The following PABPC3 variants were observed in gnomAD, a reference collection of about 807,000 sequenced individuals.
PABPC3 encodes poly(A) binding protein cytoplasmic 3.
PABPC3 carries 43 observed loss-of-function variants against 43.0 expected under a neutral mutation model. The observed-to-expected ratio is 1.00, with a 90% confidence interval of 0.78 to 1.29. The LOEUF is 1.29. PABPC3 is among the 50% of genes most tolerant of loss of function. PABPC3 has a pLI of 0.00. For synonymous variants in PABPC3, 221 were observed against 274.6 expected (o/e 0.80, Z 1.93); for missense variants, 784 against 798.1 (o/e 0.98, Z 0.21).
In PABPC3 at chr13:25,097,340, A is replaced by T; in HGVS notation, c.1142A>T (p.Glu381Val). Residue 381 changes from glutamate to valine, a missense_variant, in exon 1 of 1, where the codon GAG (glutamate) becomes GTG (valine). Transcript: ENST00000281589. The stretch of plus-strand genomic sequence containing the variant: ...GAGCGCCAGGCTTACCTCACTAACG[A>T]GTATATGCAGAGAATGGCAAGTGTA... ...KEERQAYLTN[E>V]YMQRMASVRA... 6.2e-7 allele frequency: 1 copy of T among 1,614,226 alleles called. No individual in the cohort carries two copies. The highest frequency in any genetic ancestry group is 1.3e-5 in the African/African-American group (1 of 75,056).
Position 25,096,510 on chromosome 13 carries a change from A to C in PABPC3, c.312A>C (p.Lys104Asn), listed in dbSNP as rs1388858670. The C allele has an allele frequency of 3.1e-6, 5 of 1,614,126 alleles. No homozygotes were observed. The highest frequency in any genetic ancestry group is 4.2e-6 in the Non-Finnish European group (5 of 1,180,048). ...RKSGVGNIFV[K>N]NLDKSINNKA... Reference sequence around the variant, plus strand: ...GTGGAGTGGGCAACATATTCGTTAAAAATCTGGATAAGTCCATTAATAATA... The same window carrying C: ...GTGGAGTGGGCAACATATTCGTTAACAATCTGGATAAGTCCATTAATAATA... The change falls in exon 1 of 1, where the codon AAA (lysine) becomes AAC (asparagine). Residue 104 changes from lysine (K) to asparagine (N), a missense_variant. Transcript: ENST00000281589.
Position 25,098,750 on chromosome 13 carries a change from G to GT in PABPC3, c.*657dup, listed in dbSNP as rs1360830874. 6.0e-6 allele frequency: 1 copy of GT among 166,410 alleles called. No homozygotes were observed. The highest frequency in any genetic ancestry group is 1.5e-5 in the Non-Finnish European group (1 of 68,004). 10.3% of individuals were successfully genotyped at this position (166,410 alleles called of 1,614,324 possible). A position where few individuals can be genotyped will look rare whatever the true frequency, so the allele number is the denominator to read the frequency against. On this transcript the variant is annotated 3_prime_UTR_variant, in exon 1 of 1. Coordinates refer to ENST00000281589, the MANE Select transcript of PABPC3 (RefSeq NM_030979.3). ...TGACAAAATAGTAATTATAAATTCAGTAACATTTGTTCAAAATTGTAAGAC... is the reference window on the plus strand; with the variant it reads ...TGACAAAATAGTAATTATAAATTCAGTTAACATTTGTTCAAAATTGTAAGAC...
Position 25,097,352 on chromosome 13 carries a change from G to A in PABPC3, c.1154G>A (p.Arg385Lys). ...TACCTCACTAACGAGTATATGCAGA[G>A]AATGGCAAGTGTACGAGCTGTGCCC... ...QAYLTNEYMQ[R>K]MASVRAVPNQ... The change falls in exon 1 of 1, where the codon AGA (arginine) becomes AAA (lysine). Residue 385 changes from arginine (R) to lysine (K), a missense_variant. Arg to Lys is a conservative substitution (Grantham distance 26, BLOSUM62 2). Coordinates refer to ENST00000281589, the MANE Select transcript of PABPC3 (RefSeq NM_030979.3). 1 of 1,614,242 alleles carries A rather than the reference G, an allele frequency of 6.2e-7. No homozygotes were observed. The highest frequency in any genetic ancestry group is 8.5e-7 in the Non-Finnish European group (1 of 1,180,046).
rs141426148 is a variant in PABPC3, at chr13:25,097,088, A to G, written c.890A>G (p.Tyr297Cys). The change falls in exon 1 of 1, where the codon TAT becomes TGT. Residue 297 changes from tyrosine to cysteine, a missense_variant. By Grantham distance (194) the Tyr-to-Cys change is radical. Coordinates refer to ENST00000281589, the MANE Select transcript of PABPC3 (RefSeq NM_030979.3). ...ACCAGATACCAGGTTGTTAATCTTT[A>G]TGTGAAAAATCTTGATGATGGTATT... ...RITRYQVVNL[Y>C]VKNLDDGIDD... 567 of 1,614,274 alleles carry G rather than the reference A, an allele frequency of 3.5e-4. 3 individuals are homozygous for G. In the African/African-American group the frequency reaches 7.0e-3, roughly 20 times the overall value.
Position 25,098,218 on chromosome 13 carries a change from A to G in PABPC3, c.*124A>G. ...AAAAATGCAAAATCTAAAATAAAAA[A>G]TGGAAAGGAAACTTTGAACCTTATG... is the stretch of plus-strand genomic sequence containing the variant. On this transcript the variant is annotated 3_prime_UTR_variant, in exon 1 of 1. Transcript: ENST00000281589. 1 of 866,726 alleles carries G rather than the reference A, an allele frequency of 1.2e-6. No individual in the cohort carries two copies. Among genetic ancestry groups the G allele is most frequent in the East Asian group, 2.5e-5 (1 of 39,666 alleles). 53.7% of individuals were successfully genotyped at this position (866,726 alleles called of 1,614,324 possible). A position where few individuals can be genotyped will look rare whatever the true frequency, so the allele number is the denominator to read the frequency against.
In PABPC3 at chr13:25,096,649, G is replaced by A. The variant is rs772188258; in HGVS notation, c.451G>A (p.Ala151Thr). 2.5e-5 allele frequency: 40 copies of A among 1,614,290 alleles called. No individual in the cohort carries two copies. The Admixed American group carries it at 6.2e-4, about 25-fold the overall frequency. ...TGTACACTTTGAGACACACGAAGCAGCTGAAAGAGCTATTAAAAAAATGAA... is the reference window on the plus strand; with the variant it reads ...TGTACACTTTGAGACACACGAAGCAACTGAAAGAGCTATTAAAAAAATGAA... ...GFVHFETHEAAERAIKKMNGM... is the reference protein window; with the variant it reads ...GFVHFETHEATERAIKKMNGM... Residue 151 changes from alanine (A) to threonine (T), a missense_variant, in exon 1 of 1, where the codon GCT becomes ACT. Coordinates refer to ENST00000281589, the MANE Select transcript of PABPC3 (RefSeq NM_030979.3).
Position 25,097,900 on chromosome 13 carries a change from A to G in PABPC3, c.1702A>G (p.Met568Val), listed in dbSNP as rs202066679. 5 of 1,561,726 alleles carry G rather than the reference A, an allele frequency of 3.2e-6. No individual in the cohort carries two copies. The South Asian group carries it at 3.4e-5, about 11-fold the overall frequency. ...GERLFPLIQA[M>V]HPTLAGKITG... ...ACGGCTCTTTCCTCTTATTCAAGCC[A>G]TGCACCCTACTCTTGCTGGGAAAAT... The change falls in exon 1 of 1, where the codon ATG becomes GTG. Residue 568 changes from methionine to valine, a missense_variant. By Grantham distance (21) the Met-to-Val change is conservative. Transcript: ENST00000281589.
chr13:25,096,932 A>T lies in PABPC3; in HGVS notation c.734A>T (p.Gln245Leu). 6.2e-7 allele frequency: 1 copy of T among 1,614,274 alleles called. No individual in the cohort carries two copies. The highest frequency in any genetic ancestry group is 8.5e-7 in the Non-Finnish European group (1 of 1,180,034). ...FVSFERHEDAQKAVDEMNGKE... is the reference protein window; with the variant it reads ...FVSFERHEDALKAVDEMNGKE... ...AGCTTTGAAAGGCATGAAGATGCAC[A>T]GAAAGCTGTAGATGAGATGAATGGA... Residue 245 changes from glutamine (Q) to leucine (L), a missense_variant, in exon 1 of 1, where the codon CAG (glutamine) becomes CTG (leucine). Coordinates refer to ENST00000281589, the MANE Select transcript of PABPC3 (RefSeq NM_030979.3).
the PABPC3 span, chr13:25,096,283 G>T: frequency 5.0e-6 from 8 of 1,614,118 alleles, no homozygotes; most frequent in Non-Finnish European, 5.9e-6. Context: ...GATGCTCTAC[G>T]AGAAGTTCAG....
rs1390864522 is a variant in PABPC3, at chr13:25,096,237, C to T, written c.39C>T (p.Leu13=). 2.0e-5 allele frequency: 33 copies of T among 1,614,116 alleles called. No individual in the cohort carries two copies. The highest frequency in any genetic ancestry group is 2.7e-5 in the African/African-American group (2 of 74,946). The change falls in exon 1 of 1, where the codon CTC becomes CTT. Residue 13 remains leucine (L), a synonymous_variant. Transcript: ENST00000281589. ...PSTPSYPTAS[L]YVGDLHPDVT... ...CCCCCAGCTACCCAACGGCCTCGCTCTACGTGGGGGACCTCCACCCCGACG... is the reference window on the plus strand; with the variant it reads ...CCCCCAGCTACCCAACGGCCTCGCTTTACGTGGGGGACCTCCACCCCGACG...
At position 25,098,007 on chromosome 13, in the gene PABPC3, T is replaced by G; in HGVS notation, c.1809T>G (p.Asp603Glu). Residue 603 changes from aspartate (D) to glutamate (E), a missense_variant, in exon 1 of 1, where the codon GAT becomes GAG. Asp to Glu is a conservative substitution (Grantham distance 45). Coordinates refer to ENST00000281589, the MANE Select transcript of PABPC3 (RefSeq NM_030979.3). ...CAGAGTCACTCCGTTCTAAGGTTGATGAAGCTGTAGCTGTACTACAAGCCC... is the reference window on the plus strand; with the variant it reads ...CAGAGTCACTCCGTTCTAAGGTTGAGGAAGCTGTAGCTGTACTACAAGCCC... ...ESPESLRSKV[D>E]EAVAVLQAHQ... 1 of 1,614,014 alleles carries G rather than the reference T, an allele frequency of 6.2e-7. No individual in the cohort carries two copies. Among genetic ancestry groups the G allele is most frequent in the Non-Finnish European group, 8.5e-7 (1 of 1,179,874 alleles).
the PABPC3 span, chr13:25,096,363 G>GT: frequency 1.8e-5 from 29 of 1,614,080 alleles, no homozygotes; most frequent in Non-Finnish European, 2.5e-5. Context: ...CCAACTACGC[G>GT]TATGTGAACT....
rs1438943364 is a variant in PABPC3, at chr13:25,096,247, G to C, written c.49G>C (p.Asp17His). The C allele has an allele frequency of 1.9e-6, 3 of 1,614,090 alleles. No homozygotes were observed. In the African/African-American group the frequency reaches 4.0e-5, roughly 22 times the overall value. The change falls in exon 1 of 1, where the codon GAC becomes CAC. Residue 17 changes from aspartate to histidine, a missense_variant. Transcript: ENST00000281589. Reference sequence around the variant, plus strand: ...CCCAACGGCCTCGCTCTACGTGGGGGACCTCCACCCCGACGTGACTGAGGC... The same window carrying C: ...CCCAACGGCCTCGCTCTACGTGGGGCACCTCCACCCCGACGTGACTGAGGC... ...SYPTASLYVG[D>H]LHPDVTEAML...
At position 25,097,530 on chromosome 13, in the gene PABPC3, G is replaced by C; in HGVS notation, c.1332G>C (p.Lys444Asn). The change falls in exon 1 of 1, where the codon AAG (lysine) becomes AAC (asparagine). Residue 444 changes from lysine to asparagine, a missense_variant. By Grantham distance (94) the Lys-to-Asn change is moderately conservative (BLOSUM62 0). Transcript: ENST00000281589. The part of the protein sequence containing the change: ...QGARPHPFQN[K>N]PSAIRPGAPR... The stretch of plus-strand genomic sequence containing the variant: ...CCAGACCTCATCCATTCCAAAATAA[G>C]CCCAGTGCTATCCGCCCAGGTGCTC... 1 of 1,614,166 alleles carries C rather than the reference G, an allele frequency of 6.2e-7. No individual in the cohort carries two copies. Among genetic ancestry groups the C allele is most frequent in the Non-Finnish European group, 8.5e-7 (1 of 1,180,042 alleles).
Position 25,097,665 on chromosome 13 carries a change from A to AGCTGCT in PABPC3, c.1479_1484dup (p.Ala495_Ala496dup), listed in dbSNP as rs150143049. On this transcript the variant is annotated inframe_insertion, in exon 1 of 1. Transcript: ENST00000281589. Reference sequence around the variant, plus strand: ...CACAGACAGTGGGTCCACGTCCTGCAGCTGCTGCTGCTGCTGCAGCTACCC... The same window carrying AGCTGCT: ...CACAGACAGTGGGTCCACGTCCTGCAGCTGCTGCTGCTGCTGCTGCTGCAGCTACCC... 5.1e-6 allele frequency: 8 copies of AGCTGCT among 1,580,820 alleles called. No individual in the cohort carries two copies. Among genetic ancestry groups the AGCTGCT allele is most frequent in the Non-Finnish European group, 6.9e-6 (8 of 1,162,802 alleles).
chr13:25,096,393 G>A lies in PABPC3; in HGVS notation c.195G>A (p.Ala65=), dbSNP rs1224615590. ...AYVNFQHTKD[A]EHALDTMNFD... The stretch of plus-strand genomic sequence containing the variant: ...TGAACTTCCAGCATACGAAGGACGC[G>A]GAGCATGCTCTGGACACCATGAATT... The change falls in exon 1 of 1, where the codon GCG becomes GCA. Residue 65 remains alanine, a synonymous_variant. Coordinates refer to ENST00000281589, the MANE Select transcript of PABPC3 (RefSeq NM_030979.3). 4 of 1,614,214 alleles carry A rather than the reference G, an allele frequency of 2.5e-6. No homozygotes were observed. The highest frequency in any genetic ancestry group is 3.4e-6 in the Non-Finnish European group (4 of 1,180,042).
Position 25,096,166 on chromosome 13 carries a change from C to T in PABPC3, c.-33C>T. 2 of 1,590,840 alleles carry T rather than the reference C, an allele frequency of 1.3e-6. No homozygotes were observed. Among genetic ancestry groups the T allele is most frequent in the Non-Finnish European group, 1.7e-6 (2 of 1,167,140 alleles). On this transcript the variant is annotated 5_prime_UTR_variant, in exon 1 of 1. Coordinates refer to ENST00000281589, the MANE Select transcript of PABPC3 (RefSeq NM_030979.3). ...CTCTACTCCTGTAACGGAAAGGTCG[C>T]GGCTTGTGTGCCTGCGGGCAGCCGT...
Position 25,097,678 on chromosome 13 carries a change from G to A in PABPC3, c.1480G>A (p.Ala494Thr), listed in dbSNP as rs765966327. Residue 494 changes from alanine (A) to threonine (T), a missense_variant, in exon 1 of 1, where the codon GCT (alanine) becomes ACT (threonine). Transcript: ENST00000281589. ...TCCACGTCCTGCAGCTGCTGCTGCT[G>A]CTGCAGCTACCCCTGCTGTGCGCAC... ...VGPRPAAAAA[A>T]AATPAVRTVP... 32 of 1,614,078 alleles carry A rather than the reference G, an allele frequency of 2.0e-5. No individual in the cohort carries two copies. Among genetic ancestry groups the A allele is most frequent in the Non-Finnish European group, 2.5e-5 (29 of 1,180,016 alleles).
chr13:25,096,145 A>T lies in PABPC3; in HGVS notation c.-54A>T, dbSNP rs764377193. 10 of 1,554,720 alleles carry T rather than the reference A, an allele frequency of 6.4e-6. No homozygotes were observed. The African/African-American group carries it at 1.1e-4, about 17-fold the overall frequency. On this transcript the variant is annotated 5_prime_UTR_variant, in exon 1 of 1. Coordinates refer to ENST00000281589, the MANE Select transcript of PABPC3 (RefSeq NM_030979.3). ...CGCCCCCGGCCCCGGCACGCGCTCT[A>T]CTCCTGTAACGGAAAGGTCGCGGCT...
Sources: allele counts gnomAD v4.1 joint callset, GRCh38; gene constraint gnomAD v4.1.1; transcripts MANE v1.5; gene names NCBI Gene and HGNC (gene_info 2026-07-23, HGNC 2026-07-21).